Variants in UBASH3B observed in about 807,000 individuals in gnomAD.
UBASH3B encodes ubiquitin associated and SH3 domain containing B.
UBASH3B carries 37 observed loss-of-function variants against 83.4 expected under a neutral mutation model. The observed-to-expected ratio is 0.44, with a 90% CI of 0.34 to 0.58. UBASH3B has a LOEUF of 0.58. Ranked by LOEUF, UBASH3B falls within the 20% of genes least tolerant of loss-of-function variation. The pLI is 0.01. For synonymous variants in UBASH3B, 304 were observed against 318.3 expected (o/e 0.96, Z 0.48); for missense variants, 657 against 827.2 (o/e 0.79, Z 2.52).
chr11:122,781,934 C>T (rs1381376897), intron 4 of UBASH3B, among the ~76,000 whole-genome samples: 11 of 152,184 alleles, frequency 7.2e-5, no homozygotes, highest in South Asian at 2.1e-4. Flanking sequence ...TACTTAAAAC[C>T]GAAATGCTCA....
At chr11:122,720,479 G>C (rs890227189) in intron 1 of UBASH3B, among the ~76,000 whole-genome samples, 1 of 152,146 alleles carries the variant, frequency 6.6e-6, no homozygotes, top group African/African-American at 2.4e-5. Context: ...CAAAGTGTAA[G>C]GCAGATGGAA....
At position 122,700,468 on chromosome 11, in the gene UBASH3B, C is replaced by T. The variant is rs181826717; in HGVS notation, c.161+44258C>T. Among the ~76,000 whole-genome samples the T allele has an allele frequency of 1.2e-3, 172 of 143,400 alleles. 1 individual carries two copies. Among genetic ancestry groups the T allele is most frequent in the Non-Finnish European group, 9.5e-4 (63 of 66,422 alleles). The allele number at this position is 143,400 out of a possible 152,430, so 94.1% of individuals were successfully genotyped here. ...TCAATGTAAATGTTCATATGTTCAT[C>T]TTACTCACTCTCATAGTTTACTTCT... is the stretch of plus-strand genomic sequence containing the variant. On this transcript the variant is annotated intron_variant, in intron 1 of 13. Coordinates refer to ENST00000284273, the MANE Select transcript of UBASH3B (RefSeq NM_032873.5).
At position 122,799,047 on chromosome 11, in the gene UBASH3B, G is replaced by A. The variant is rs1861204736; in HGVS notation, c.1450+13G>A. ...AATATCTTGAAAGGTAAGACTTGCAGGTTGACAAAAACAAGTAGTCCATCC... is the reference window on the plus strand; with the variant it reads ...AATATCTTGAAAGGTAAGACTTGCAAGTTGACAAAAACAAGTAGTCCATCC... On this transcript the variant is annotated intron_variant, in intron 10 of 13. Coordinates refer to ENST00000284273, the MANE Select transcript of UBASH3B (RefSeq NM_032873.5). 2 of 1,611,880 alleles carry A rather than the reference G, an allele frequency of 1.2e-6. No homozygotes were observed. Among genetic ancestry groups the A allele is most frequent in the Non-Finnish European group, 8.5e-7 (1 of 1,178,320 alleles).
At chr11:122,684,962 A>G (rs1396520342) in intron 1 of UBASH3B, among the ~76,000 whole-genome samples, 1 of 152,182 alleles carries the variant, frequency 6.6e-6, no homozygotes, top group Non-Finnish European at 1.5e-5. Flanking sequence ...ATCCTTATAT[A>G]ACTGATAAAT....
intron 5 of UBASH3B, 97 bp downstream of exon 5, chr11:122,783,319 A>C: frequency 7.1e-7 from 1 of 1,405,978 alleles, no homozygotes; most frequent in Non-Finnish European, 9.7e-7. Flanking sequence ...TACAGGGGAA[A>C]AATGGAGCAA....
At chr11:122,747,477 A>T (rs542412906) in intron 1 of UBASH3B, among the ~76,000 whole-genome samples, 1 of 152,228 alleles carries the variant, frequency 6.6e-6, no homozygotes, top group East Asian at 1.9e-4. Flanking sequence ...AGGGGAGAAA[A>T]ATACACCAGA....
intron 1 of UBASH3B, among the ~76,000 whole-genome samples, chr11:122,678,423 C>T (rs899801496): frequency 6.6e-6 from 1 of 152,136 alleles, no homozygotes; most frequent in African/African-American, 2.4e-5. Flanking sequence ...CCTTTGAGTC[C>T]AGATGTCCAA....
At chr11:122,713,228 A>T (rs528152814) in intron 1 of UBASH3B, among the ~76,000 whole-genome samples, 2 of 152,134 alleles carry the variant, frequency 1.3e-5, no homozygotes, top group Non-Finnish European at 2.9e-5. Flanking sequence ...ATTTTCACAC[A>T]GAGGAGTTGA....
At position 122,725,328 on chromosome 11, in the gene UBASH3B, C is replaced by CAAAAAAAA. The variant is rs527272428; in HGVS notation, c.162-50882_162-50875dup. Among the ~76,000 whole-genome samples the CAAAAAAAA allele has an allele frequency of 1.3e-3, 113 of 87,410 alleles. 1 individual carries two copies. Among genetic ancestry groups the CAAAAAAAA allele is most frequent in the Non-Finnish European group, 1.8e-3 (80 of 45,440 alleles). The allele number at this position is 87,410 out of a possible 152,430, so 57.3% of individuals were successfully genotyped here. Reference sequence around the variant, plus strand: ...GCTGTGATGAGCATAGCACCATAAACAAAAAAAAAAAAAAAAGAAAAGAAA... The same window carrying CAAAAAAAA: ...GCTGTGATGAGCATAGCACCATAAACAAAAAAAAAAAAAAAAAAAAAAAAGAAAAGAAA... On this transcript the variant is annotated intron_variant, in intron 1 of 13. Transcript: ENST00000284273.
At chr11:122,809,668 T>C in intron 13 of UBASH3B, 81 bp from the exon 14 acceptor site, 8 of 1,478,574 alleles carry the variant, frequency 5.4e-6, no homozygotes, top group Non-Finnish European at 7.4e-6. Context: ...TAGGGCCACA[T>C]GAATATCTTT....
intron 1 of UBASH3B, among the ~76,000 whole-genome samples, chr11:122,772,568 C>T (rs943017176): frequency 5.3e-5 from 8 of 152,190 alleles, no homozygotes; most frequent in African/African-American, 1.9e-4. Flanking sequence ...GGCAGACTAA[C>T]AGGAAAGCGA....
chr11:122,700,056 T>C (rs558171394), intron 1 of UBASH3B, among the ~76,000 whole-genome samples: 64 of 152,280 alleles, frequency 4.2e-4, no homozygotes, highest in Non-Finnish European at 7.4e-4. Flanking sequence ...GTGGGTAGGT[T>C]TGCAGCATGA....
At chr11:122,679,586 T>C (rs144543300) in intron 1 of UBASH3B, among the ~76,000 whole-genome samples, 1 of 152,296 alleles carries the variant, frequency 6.6e-6, no homozygotes, top group East Asian at 1.9e-4. Context: ...GACACCTTGA[T>C]CTCTAGCAAG....
Position 122,806,606 on chromosome 11 carries a change from T to C in UBASH3B, c.1702+90T>C, listed in dbSNP as rs1419207529. The C allele has an allele frequency of 5.8e-6, 8 of 1,380,748 alleles. No homozygotes were observed. Among genetic ancestry groups the C allele is most frequent in the African/African-American group, 3.0e-5 (2 of 65,892 alleles). 85.5% of individuals were successfully genotyped at this position (1,380,748 alleles called of 1,614,324 possible). ...GTTATTCAAGATGTTTCAACTTGCT[T>C]TGGCTAACCAAAGAAATGTATTTCC... is the stretch of plus-strand genomic sequence containing the variant. On this transcript the variant is annotated intron_variant, in intron 12 of 13. Transcript: ENST00000284273. This position sits in a 1 kb window ranked among gnomAD's most constrained non-coding sequence, Gnocchi z 4.0.
chr11:122,742,345 C>A (rs1449202100), intron 1 of UBASH3B, among the ~76,000 whole-genome samples: 1 of 152,234 alleles, frequency 6.6e-6, no homozygotes, highest in Non-Finnish European at 1.5e-5. Flanking sequence ...TCTTGAAGAT[C>A]TCCAGGAAAG....
At chr11:122,762,818 G>T (rs1860466748) in intron 1 of UBASH3B, among the ~76,000 whole-genome samples, 1 of 152,112 alleles carries the variant, frequency 6.6e-6, no homozygotes, top group East Asian at 1.9e-4. Context: ...TGGGTCTTCT[G>T]GTCCCCAGTC....
At chr11:122,797,068 T>A in intron 9 of UBASH3B, 35 bp downstream of exon 9, 2 of 1,549,882 alleles carry the variant, frequency 1.3e-6, no homozygotes, top group Non-Finnish European at 1.7e-6. Flanking sequence ...TCCAGGCATT[T>A]CTTGCCTCCT....
At chr11:122,789,482 T>G (rs1305366344) in intron 6 of UBASH3B, among the ~76,000 whole-genome samples, 174 bp downstream of exon 6, 1 of 152,202 alleles carries the variant, frequency 6.6e-6, no homozygotes, top group African/African-American at 2.4e-5. Context: ...TGGATTGCTC[T>G]GCTTCCCTCT....
Position 122,759,568 on chromosome 11 carries a change from G to A in UBASH3B, c.162-16651G>A, listed in dbSNP as rs187041151. ...TGTTTTCCTGAAACTAGGTGGGACC[G>A]TCTAGTTGGAGACCCCTGACTTAGT... On this transcript the variant is annotated intron_variant, in intron 1 of 13. Coordinates refer to ENST00000284273, the MANE Select transcript of UBASH3B (RefSeq NM_032873.5). The surrounding 1 kb of genome is among the most constrained non-coding windows in gnomAD (Gnocchi z 4.1). 3.9e-5 allele frequency among the ~76,000 whole-genome samples: 6 copies of A among 152,336 alleles called. No homozygotes were observed. Among genetic ancestry groups the A allele is most frequent in the East Asian group, 3.9e-4 (2 of 5,188 alleles).
Sources: allele counts gnomAD v4.1 joint callset (sites outside exome capture counted in the v4.1 genomes callset), GRCh38; gene constraint gnomAD v4.1.1; non-coding constraint Gnocchi (gnomAD v3.1); transcripts MANE v1.5; gene names NCBI Gene and HGNC (gene_info 2026-07-23, HGNC 2026-07-21).